REDIC1: variants seen among roughly 807,000 people sequenced by gnomAD.
REDIC1 encodes the protein HEI10 Interacting Protein 1.
chr12:39,674,776 C>A, the REDIC1 span, among the ~76,000 whole-genome samples: 5,885 of 152,240 alleles, frequency 0.039, 399 homozygotes, highest in African/African-American at 0.14. Flanking sequence ...CCATCCCTGG[C>A]CTTCTCTCAC....
At chr12:39,710,992 A>G in the REDIC1 span, among the ~76,000 whole-genome samples, 2 of 151,164 alleles carry the variant, frequency 1.3e-5, no homozygotes, top group African/African-American at 4.9e-5. Context: ...TGCACCCATC[A>G]CCCGAGCAGT....
chr12:39,864,349 A>T, the REDIC1 span, among the ~76,000 whole-genome samples: 1 of 152,312 alleles, frequency 6.6e-6, no homozygotes, highest in East Asian at 1.9e-4. Flanking sequence ...AAATCAGTCC[A>T]AATTGTCAGA....
At chr12:39,841,542 A>G in the REDIC1 span, among the ~76,000 whole-genome samples, 5 of 152,246 alleles carry the variant, frequency 3.3e-5, no homozygotes, top group East Asian at 9.7e-4. Flanking sequence ...GATAACATGT[A>G]TATAAATGTA....
chr12:39,890,055 C>T, the REDIC1 span, among the ~76,000 whole-genome samples: 3 of 151,960 alleles, frequency 2.0e-5, no homozygotes, highest in Admixed American at 1.3e-4. Context: ...GGTAGAAACC[C>T]GATAATCTGT....
At chr12:39,789,267 T>A in the REDIC1 span, among the ~76,000 whole-genome samples, 4 of 151,944 alleles carry the variant, frequency 2.6e-5, no homozygotes, top group South Asian at 8.3e-4. Flanking sequence ...AAAATACATA[T>A]CACTTGGTTG....
chr12:39,723,408 G>T, the REDIC1 span, among the ~76,000 whole-genome samples: 2 of 151,688 alleles, frequency 1.3e-5, no homozygotes, highest in African/African-American at 4.8e-5. Flanking sequence ...GACGCTTTAA[G>T]GAGATAAATA....
chr12:39,630,052 A>G, the REDIC1 span, among the ~76,000 whole-genome samples: 1 of 152,162 alleles, frequency 6.6e-6, no homozygotes, highest in Non-Finnish European at 1.5e-5. Flanking sequence ...TATTTGCTGG[A>G]AGGCACCACG....
At chr12:39,681,244 C>T in the REDIC1 span, among the ~76,000 whole-genome samples, 1 of 152,032 alleles carries the variant, frequency 6.6e-6, no homozygotes, top group Non-Finnish European at 1.5e-5. Flanking sequence ...TGCACTCCAG[C>T]CTGAATGAAA....
At chr12:39,774,031 A>C in the REDIC1 span, among the ~76,000 whole-genome samples, 1 of 152,226 alleles carries the variant, frequency 6.6e-6, no homozygotes. Context: ...CTATCACCTC[A>C]AAACATAGAT....
chr12:39,707,983 G>A, the REDIC1 span, among the ~76,000 whole-genome samples: 1 of 151,684 alleles, frequency 6.6e-6, no homozygotes, highest in South Asian at 2.1e-4. Context: ...GAAATAAGAG[G>A]GTAGAAGAAT....
At chr12:39,857,334 T>A in the REDIC1 span, among the ~76,000 whole-genome samples, 8 of 152,178 alleles carry the variant, frequency 5.3e-5, no homozygotes, top group African/African-American at 1.9e-4. Flanking sequence ...CAGATTTACA[T>A]GCCTAAAATT....
the REDIC1 span, among the ~76,000 whole-genome samples, chr12:39,857,613 A>T: frequency 6.6e-6 from 1 of 152,324 alleles, no homozygotes; most frequent in African/African-American, 2.4e-5. Flanking sequence ...AGCCAGACTG[A>T]TCTTTTAAAA....
the REDIC1 span, among the ~76,000 whole-genome samples, chr12:39,720,605 A>G: frequency 6.6e-6 from 1 of 152,128 alleles, no homozygotes; most frequent in Non-Finnish European, 1.5e-5. Flanking sequence ...TGGGAGGTAT[A>G]GCAGATTATT....
chr12:39,711,457 A>ACG, the REDIC1 span, among the ~76,000 whole-genome samples: 15 of 141,376 alleles, frequency 1.1e-4, no homozygotes, highest in South Asian at 3.3e-3. Flanking sequence ...ATATATACAC[A>ACG]TATACACATA....
At chr12:39,720,840 G>A in the REDIC1 span, 36 of 1,612,610 alleles carry the variant, frequency 2.2e-5, no homozygotes, top group Non-Finnish European at 3.0e-5. Context: ...CAAATAGGAT[G>A]ACCATCAAAA....
At chr12:39,826,899 T>G in the REDIC1 span, among the ~76,000 whole-genome samples, 1 of 149,070 alleles carries the variant, frequency 6.7e-6, no homozygotes, top group East Asian at 2.0e-4. Context: ...TATGTATTCA[T>G]TTGTCCATCT....
chr12:39,719,167 C>T, the REDIC1 span, among the ~76,000 whole-genome samples: 2 of 152,046 alleles, frequency 1.3e-5, no homozygotes, highest in Non-Finnish European at 2.9e-5. Flanking sequence ...GATGACTGTC[C>T]TTTAATAGCA....
At chr12:39,712,584 T>C in the REDIC1 span, among the ~76,000 whole-genome samples, 8 of 144,906 alleles carry the variant, frequency 5.5e-5, 1 homozygote, top group Admixed American at 5.5e-4. Flanking sequence ...CGTATATATG[T>C]ATATACGTAT....
At chr12:39,732,615 T>A in the REDIC1 span, among the ~76,000 whole-genome samples, 1 of 152,228 alleles carries the variant, frequency 6.6e-6, no homozygotes, top group Non-Finnish European at 1.5e-5. Flanking sequence ...GTATAGTTTA[T>A]ATAAGAAAGG....
Sources: allele counts gnomAD v4.1 joint callset (sites outside exome capture counted in the v4.1 genomes callset), GRCh38; gene constraint gnomAD v4.1.1; transcripts MANE v1.5; gene names NCBI Gene and HGNC (gene_info 2026-07-23, HGNC 2026-07-21).